Variants in TRAPPC8 observed in about 807,000 individuals in gnomAD.
TRAPPC8 encodes trafficking protein particle complex subunit 8, also known as general sporulation gene 1 homolog.
TRAPPC8 carries 54 observed loss-of-function variants against 174.3 expected under a neutral mutation model. The ratio of observed to expected loss-of-function variants is 0.31; its 90% CI spans 0.25 to 0.39. TRAPPC8 has a LOEUF of 0.39. Ranked by LOEUF, TRAPPC8 falls within the 10% of genes least tolerant of loss-of-function variation. The probability of loss-of-function intolerance (pLI) is 1.00; values close to 1 mark genes in which losing one functional copy is unlikely to be tolerated. For synonymous variants in TRAPPC8, 630 were observed against 579.9 expected, an observed-to-expected ratio of 1.09 and a Z score of -1.24; for missense variants, 1,531 against 1,699.1, an observed-to-expected ratio of 0.90 and a Z score of 1.74.
At chr18:31,904,236 CAAAAAAA>C (rs113613252) in intron 9 of TRAPPC8, among the ~76,000 whole-genome samples, 203 of 92,202 alleles carry the variant, frequency 2.2e-3, no homozygotes, top group East Asian at 3.5e-3. Flanking sequence ...ACCTTGCCTC[CAAAAAAA>C]AAAAAAAAGA....
chr18:31,941,604 G>A (rs1242306937), intron 1 of TRAPPC8, among the ~76,000 whole-genome samples: 1 of 151,992 alleles, frequency 6.6e-6, no homozygotes, highest in Non-Finnish European at 1.5e-5. Context: ...CCCTCTCTCC[G>A]CTAAAAACAA....
At chr18:31,903,548 T>C (rs1314863554) in intron 9 of TRAPPC8, among the ~76,000 whole-genome samples, 1 of 152,106 alleles carries the variant, frequency 6.6e-6, no homozygotes, top group Non-Finnish European at 1.5e-5. Context: ...AGAGAAGAAA[T>C]AAAGTACATC....
At chr18:31,904,236 CAA>C (rs113613252) in intron 9 of TRAPPC8, among the ~76,000 whole-genome samples, 70 of 92,006 alleles carry the variant, frequency 7.6e-4, no homozygotes, top group Middle Eastern at 5.8e-3. Flanking sequence ...ACCTTGCCTC[CAA>C]AAAAAAAAAA....
At chr18:31,847,335 C>G (rs1705641018) in intron 25 of TRAPPC8, among the ~76,000 whole-genome samples, 1 of 152,150 alleles carries the variant, frequency 6.6e-6, no homozygotes, top group African/African-American at 2.4e-5. Context: ...CTGACTTTAT[C>G]TATATTATAA....
chr18:31,932,489 A>T (rs972835573), intron 1 of TRAPPC8, among the ~76,000 whole-genome samples: 1 of 151,978 alleles, frequency 6.6e-6, no homozygotes, highest in African/African-American at 2.4e-5. Context: ...TACCACCCTA[A>T]TACTTCCTGC....
rs199724965 is a variant in TRAPPC8, at chr18:31,857,664, T to G, written c.3064A>C (p.Thr1022Pro). 1 of 1,614,074 alleles carries G rather than the reference T, an allele frequency of 6.2e-7. No individual in the cohort carries two copies. Among genetic ancestry groups the G allele is most frequent in the East Asian group, 2.2e-5 (1 of 44,868 alleles). Residue 1022 changes from threonine (T) to proline (P), a missense_variant, in exon 20 of 29, where the codon ACT becomes CCT. By Grantham distance (38) the Thr-to-Pro change is conservative. Coordinates refer to ENST00000283351, the MANE Select transcript of TRAPPC8 (RefSeq NM_014939.5). Reference sequence around the variant, plus strand: ...ACTGAGGCTCCGGGTAGAAGAACAGTGTCAGGAAGGGGAACAGGAATCACC... The same window carrying G: ...ACTGAGGCTCCGGGTAGAAGAACAGGGTCAGGAAGGGGAACAGGAATCACC... ...PEVIPVPLPD[T>P]VLLPGASVQL...
chr18:31,936,329 T>C (rs2038096163), intron 1 of TRAPPC8, among the ~76,000 whole-genome samples: 1 of 151,666 alleles, frequency 6.6e-6, no homozygotes, highest in Admixed American at 6.6e-5. Context: ...GCCAAATGTG[T>C]GATGCAAACC....
rs963649889 is a variant in TRAPPC8, at chr18:31,942,971, C to T, written c.-207G>A. On this transcript the variant is annotated 5_prime_UTR_variant, in exon 1 of 29. Transcript: ENST00000283351. The stretch of plus-strand genomic sequence containing the variant: ...ACTGACCCCCCCCTTCCCGTCACCG[C>T]CGCTTCTCAGCGCTCGTCCCCGCGT... 2.2e-5 allele frequency: 24 copies of T among 1,075,150 alleles called. No homozygotes were observed. The highest frequency in any genetic ancestry group is 2.8e-5 in the Non-Finnish European group (24 of 843,414). The allele number at this position is 1,075,150 out of a possible 1,614,324, so 66.6% of individuals were successfully genotyped here. A position where few individuals can be genotyped will look rare whatever the true frequency, so the allele number is the denominator to read the frequency against.
In TRAPPC8 at chr18:31,908,945, T is replaced by C; in HGVS notation, c.931A>G (p.Ser311Gly). The C allele has an allele frequency of 1.9e-6, 3 of 1,613,726 alleles. No homozygotes were observed. Reference protein sequence around the residue: ...QLEQSSDPSNSIDGPDHLRSA... With the variant: ...QLEQSSDPSNGIDGPDHLRSA... ...CTTAGATGATCTGGGCCATCAATAC[T>C]GTTAGAAGGGTCACTGGATTGCTCC... The change falls in exon 7 of 29, where the codon AGT (serine) becomes GGT (glycine). Residue 311 changes from serine (S) to glycine (G), a missense_variant. Physicochemically the swap from Ser to Gly is moderately conservative, Grantham distance 56. Coordinates refer to ENST00000283351, the MANE Select transcript of TRAPPC8 (RefSeq NM_014939.5).
Position 31,913,349 on chromosome 18 carries a change from C to A in TRAPPC8, c.771+20G>T. ...GAAGTATCGTTTTTGTGGTTTGCTT[C>A]ATTTATTTTTTACATATACCTGGTT... On this transcript the variant is annotated intron_variant, in intron 5 of 28. Coordinates refer to ENST00000283351, the MANE Select transcript of TRAPPC8 (RefSeq NM_014939.5). The A allele has an allele frequency of 6.5e-7, 1 of 1,549,888 alleles. No homozygotes were observed. Among genetic ancestry groups the A allele is most frequent in the Non-Finnish European group, 8.7e-7 (1 of 1,155,100 alleles).
At chr18:31,941,530 TGATGGCTAC>T (rs2038344011) in intron 1 of TRAPPC8, among the ~76,000 whole-genome samples, 1 of 152,214 alleles carries the variant, frequency 6.6e-6, no homozygotes, top group African/African-American at 2.4e-5. Flanking sequence ...GAACTGAGAC[TGATGGCTAC>T]GATACAGGCT....
At chr18:31,932,882 T>C (rs1853289267) in intron 1 of TRAPPC8, among the ~76,000 whole-genome samples, 1 of 150,522 alleles carries the variant, frequency 6.6e-6, no homozygotes, top group Non-Finnish European at 1.5e-5. Flanking sequence ...CTGGGGACGC[T>C]GAGGCAGGAG....
intron 12 of TRAPPC8, among the ~76,000 whole-genome samples, chr18:31,875,449 G>A (rs2035096906): frequency 6.6e-6 from 1 of 151,760 alleles, no homozygotes; most frequent in African/African-American, 2.4e-5. Context: ...AGAACTCACT[G>A]GCCAGTGTTG....
intron 2 of TRAPPC8, among the ~76,000 whole-genome samples, chr18:31,920,381 G>A (rs983334335): frequency 6.6e-6 from 1 of 152,114 alleles, no homozygotes; most frequent in African/African-American, 2.4e-5. Context: ...ATGAACAACA[G>A]TTCATGATGG....
Position 31,857,787 on chromosome 18 carries a change from A to C in TRAPPC8, c.2941T>G (p.Tyr981Asp), listed in dbSNP as rs753781441. The C allele has an allele frequency of 3.7e-6, 6 of 1,614,080 alleles. No homozygotes were observed. Among genetic ancestry groups the C allele is most frequent in the Non-Finnish European group, 5.1e-6 (6 of 1,180,040 alleles). Residue 981 changes from tyrosine to aspartate, a missense_variant, in exon 20 of 29, where the codon TAC becomes GAC. Physicochemically the swap from Tyr to Asp is radical, Grantham distance 160. Transcript: ENST00000283351. Reference sequence around the variant, plus strand: ...GTAGCATCTGTCACAACAGTCTTGTAAGCACTACAATTCTCAGAAGCTGAG... The same window carrying C: ...GTAGCATCTGTCACAACAGTCTTGTCAGCACTACAATTCTCAGAAGCTGAG... ...SPSASENCSA[Y>D]KTVVTDATSV... is the part of the protein sequence containing the mutation.
intron 9 of TRAPPC8, among the ~76,000 whole-genome samples, chr18:31,905,279 T>C (rs1030785599): frequency 1.3e-5 from 2 of 152,202 alleles, no homozygotes; most frequent in Non-Finnish European, 2.9e-5. Flanking sequence ...GAATCAAAAA[T>C]AGCAGTATTA....
intron 2 of TRAPPC8, among the ~76,000 whole-genome samples, chr18:31,930,249 A>G (rs2037792689): frequency 6.6e-6 from 1 of 151,566 alleles, no homozygotes; most frequent in Admixed American, 6.6e-5. Flanking sequence ...CCTCCCAAGT[A>G]GCTGGGATTA....
At chr18:31,935,892 C>A (rs952538880) in intron 1 of TRAPPC8, among the ~76,000 whole-genome samples, 1 of 151,392 alleles carries the variant, frequency 6.6e-6, no homozygotes, top group Non-Finnish European at 1.5e-5. Context: ...CCCGCCACCA[C>A]ACCCGGCTAA....
intron 16 of TRAPPC8, among the ~76,000 whole-genome samples, chr18:31,869,092 A>G (rs2034721301): frequency 1.3e-5 from 2 of 152,060 alleles, no homozygotes; most frequent in African/African-American, 4.8e-5. Context: ...CTAAACTAAT[A>G]AATTAGTAAG....
Sources: allele counts gnomAD v4.1 joint callset (sites outside exome capture counted in the v4.1 genomes callset), GRCh38; gene constraint gnomAD v4.1.1; transcripts MANE v1.5; gene names NCBI Gene and HGNC (gene_info 2026-07-23, HGNC 2026-07-21).